The following MACROD2 variants were observed in gnomAD, a reference collection of about 807,000 sequenced individuals.
The protein encoded by MACROD2 is ADP-ribose glycohydrolase MACROD2.
MACROD2 carries 36 observed loss-of-function variants against 70.4 expected under a neutral mutation model. The observed-to-expected ratio is 0.51, with a 90% confidence interval of 0.39 to 0.68. The LOEUF (loss-of-function observed/expected upper bound fraction) is 0.68. Ranked by LOEUF, MACROD2 falls within the 30% of genes least tolerant of loss-of-function variation. MACROD2 has a pLI of 0.00. For missense variants in MACROD2, 496 were observed against 538.4 expected, an observed-to-expected ratio of 0.92 and a Z score of 0.78; for synonymous variants, 172 against 178.8, an observed-to-expected ratio of 0.96 and a Z score of 0.30.
intron 8 of MACROD2, among the ~76,000 whole-genome samples, chr20:15,845,578 T>G (rs1013916404): frequency 1.3e-5 from 2 of 152,042 alleles, no homozygotes; most frequent in African/African-American, 4.8e-5. Context: ...GAGACCACCA[T>G]GAATGGGAGC....
At chr20:14,412,256 C>A (rs887936541) in intron 3 of MACROD2, among the ~76,000 whole-genome samples, 11 of 152,060 alleles carry the variant, frequency 7.2e-5, no homozygotes, top group Admixed American at 2.6e-4. Context: ...GAATTCCCGT[C>A]CCCCCTAGGC....
At chr20:15,068,967 A>C (rs2123102174) in intron 5 of MACROD2, among the ~76,000 whole-genome samples, 1 of 152,296 alleles carries the variant, frequency 6.6e-6, no homozygotes, top group East Asian at 1.9e-4. Flanking sequence ...GAGACTTGTT[A>C]AGTGGTTGTG....
chr20:14,515,465 G>GTGCACGCA (rs1555798348), intron 4 of MACROD2, among the ~76,000 whole-genome samples: 5 of 127,066 alleles, frequency 3.9e-5, no homozygotes, highest in African/African-American at 1.6e-4. Flanking sequence ...ACACACACAC[G>GTGCACGCA]CACACACACA....
At chr20:14,272,268 G>A (rs914046803) in intron 3 of MACROD2, among the ~76,000 whole-genome samples, 4 of 152,146 alleles carry the variant, frequency 2.6e-5, no homozygotes, top group Non-Finnish European at 5.9e-5. Context: ...CCCACAAAGG[G>A]AAGCCCATCA....
intron 3 of MACROD2, among the ~76,000 whole-genome samples, chr20:14,271,308 C>T (rs913157080): frequency 1.3e-5 from 2 of 152,182 alleles, no homozygotes; most frequent in Admixed American, 6.5e-5. Context: ...TCCAGAGGAA[C>T]GATCAGACAG....
intron 5 of MACROD2, among the ~76,000 whole-genome samples, chr20:14,939,619 C>G (rs1386120770): frequency 2.0e-5 from 3 of 152,074 alleles, no homozygotes; most frequent in Admixed American, 2.0e-4. Flanking sequence ...TTTTCTATAT[C>G]TGTGAAAATG....
At chr20:14,514,147 A>G (rs2085062447) in intron 4 of MACROD2, among the ~76,000 whole-genome samples, 1 of 152,102 alleles carries the variant, frequency 6.6e-6, no homozygotes, top group South Asian at 2.1e-4. Context: ...ACTTAGGACC[A>G]GGGGCAGAAG....
chr20:15,207,719 G>C (rs920072175), intron 5 of MACROD2, among the ~76,000 whole-genome samples: 4 of 150,672 alleles, frequency 2.7e-5, no homozygotes, highest in African/African-American at 9.8e-5. Context: ...GGGATTACAG[G>C]TGTGAGCCAC....
intron 2 of MACROD2, among the ~76,000 whole-genome samples, chr20:14,057,153 A>G (rs1284546794): frequency 6.6e-6 from 1 of 152,176 alleles, no homozygotes; most frequent in Non-Finnish European, 1.5e-5. Flanking sequence ...AGAGGACAGT[A>G]TAAGAGAATA....
At chr20:14,907,270 C>T (rs1163388773) in intron 5 of MACROD2, among the ~76,000 whole-genome samples, 1 of 152,212 alleles carries the variant, frequency 6.6e-6, no homozygotes, top group Non-Finnish European at 1.5e-5. Context: ...TGCCTCTGGG[C>T]TGCTACTCAG....
intron 12 of MACROD2, among the ~76,000 whole-genome samples, 160 bp from the exon 13 acceptor site, chr20:15,967,393 A>G (rs1241612277): frequency 1.3e-5 from 2 of 152,180 alleles, no homozygotes; most frequent in African/African-American, 4.8e-5. Flanking sequence ...GGGGGGAAAA[A>G]AAGCGCCTAT....
intron 6 of MACROD2, among the ~76,000 whole-genome samples, chr20:15,249,330 C>T (rs2077133754): frequency 6.6e-6 from 1 of 152,192 alleles, no homozygotes; most frequent in Non-Finnish European, 1.5e-5. Flanking sequence ...CTCCCAGCCA[C>T]CATTTTCTGT....
intron 4 of MACROD2, among the ~76,000 whole-genome samples, chr20:14,588,814 T>C (rs1357235667): frequency 1.3e-5 from 2 of 152,250 alleles, no homozygotes; most frequent in Non-Finnish European, 2.9e-5. Context: ...CATGAGCATG[T>C]AGCATTTTAT....
At chr20:14,730,995 ACACACACACACACATG>A (rs1049636752) in intron 5 of MACROD2, among the ~76,000 whole-genome samples, 2 of 112,218 alleles carry the variant, frequency 1.8e-5, no homozygotes, top group Non-Finnish European at 3.9e-5. Flanking sequence ...ACACACACAC[ACACACACACACACATG>A]CACACACACA....
chr20:14,105,027 G>T lies in MACROD2; in HGVS notation c.271+19299G>T, dbSNP rs1010125246. On this transcript the variant is annotated intron_variant, in intron 3 of 17. Coordinates refer to ENST00000684519, the MANE Select transcript of MACROD2 (RefSeq NM_001351661.2). ...GGCCTAGGGGCTGGCTAATCCTCAT[G>T]TGCAACCTTATTTGGAATATTCCAT... is the stretch of plus-strand genomic sequence containing the variant. 5.0e-4 allele frequency among the ~76,000 whole-genome samples: 76 copies of T among 152,222 alleles called. 1 individual carries two copies. Among genetic ancestry groups the T allele is most frequent in the East Asian group, 5.8e-4 (3 of 5,178 alleles).
At chr20:15,209,005 G>A (rs1485664841) in intron 5 of MACROD2, among the ~76,000 whole-genome samples, 2 of 152,166 alleles carry the variant, frequency 1.3e-5, no homozygotes, top group African/African-American at 4.8e-5. Flanking sequence ...CAGGGGAAGG[G>A]ATGAAGCCTT....
At chr20:14,466,045 G>T (rs1303344313) in intron 3 of MACROD2, among the ~76,000 whole-genome samples, 1 of 151,974 alleles carries the variant, frequency 6.6e-6, no homozygotes, top group Non-Finnish European at 1.5e-5. Flanking sequence ...TATCTTTGTG[G>T]CGTTTTCTGT....
chr20:14,369,426 A>T (rs2083302848), intron 3 of MACROD2, among the ~76,000 whole-genome samples: 1 of 152,208 alleles, frequency 6.6e-6, no homozygotes, highest in African/African-American at 2.4e-5. Flanking sequence ...AAATACAAAC[A>T]TCACATACTT....
At chr20:15,135,782 T>G (rs7351941) in intron 5 of MACROD2, among the ~76,000 whole-genome samples, 55,164 of 111,520 alleles carry the variant, frequency 0.49, 11,890 homozygotes, top group Non-Finnish European at 0.5. Flanking sequence ...ATTGTCCCTG[T>G]TTGCAGATGA....
Sources: gnomAD v4.1 joint callset for allele counts (sites outside exome capture counted in the v4.1 genomes callset) on GRCh38, gnomAD v4.1.1 for gene constraint, MANE v1.5 for transcripts, NCBI Gene and HGNC (gene_info 2026-07-23, HGNC 2026-07-21) for gene names.